Variants in GYS2 observed in about 807,000 individuals in gnomAD.
The protein encoded by GYS2 is glycogen [starch] synthase, liver.
Under a neutral mutation model 85.6 loss-of-function variants are expected in GYS2, and 80 were observed. The observed-to-expected ratio is 0.93, with a 90% CI of 0.78 to 1.13. The LOEUF (loss-of-function observed/expected upper bound fraction) is 1.13. GYS2 is among the 50% of genes most tolerant of loss of function. The pLI is 0.00. For missense variants in GYS2, 881 were observed against 854.9 expected (o/e 1.03, Z -0.38); for synonymous variants, 328 against 300.7 (o/e 1.09, Z -0.94).
Position 21,594,224 on chromosome 12 carries a change from A to G in GYS2, c.121+10248T>C, listed in dbSNP as rs186643165. Among the ~76,000 whole-genome samples, 29 of 152,250 alleles carry G rather than the reference A, an allele frequency of 1.9e-4. No individual in the cohort carries two copies. The East Asian group carries it at 4.8e-3, about 25-fold the overall frequency. On this transcript the variant is annotated intron_variant, in intron 1 of 15. Coordinates refer to ENST00000261195, the MANE Select transcript of GYS2 (RefSeq NM_021957.4). ...ATGCCCACTTCCATCACTCCTATTCAATATAATACTGGAAGTCCTAGCCAC... is the reference window on the plus strand; with the variant it reads ...ATGCCCACTTCCATCACTCCTATTCGATATAATACTGGAAGTCCTAGCCAC...
At chr12:21,559,848 T>G in intron 8 of GYS2, 138 bp from the exon 9 acceptor site, 1 of 687,446 alleles carries the variant, frequency 1.5e-6, no homozygotes. Context: ...TTATAGTCTC[T>G]TCTATTATTT....
At chr12:21,544,213 A>G (rs1393591749) in intron 12 of GYS2, among the ~76,000 whole-genome samples, 1 of 152,178 alleles carries the variant, frequency 6.6e-6, no homozygotes, top group Non-Finnish European at 1.5e-5. Flanking sequence ...TCCTGTAACT[A>G]TAGGTTAGGG....
Position 21,568,910 on chromosome 12 carries a change from C to T in GYS2, c.778G>A (p.Glu260Lys). Residue 260 changes from glutamate to lysine, a missense_variant, in exon 5 of 16, where the codon GAA (glutamate) becomes AAA (lysine). Coordinates refer to ENST00000261195, the MANE Select transcript of GYS2 (RefSeq NM_021957.4). ...TGTTCAGCTTCTATTGCTGTTATTTCAGAAACCGTGGTGAACACGTGAGCG... is the reference window on the plus strand; with the variant it reads ...TGTTCAGCTTCTATTGCTGTTATTTTAGAAACCGTGGTGAACACGTGAGCG... ...HCAHVFTTVSEITAIEAEHML... is the reference protein window; with the variant it reads ...HCAHVFTTVSKITAIEAEHML... 6.2e-7 allele frequency: 1 copy of T among 1,613,666 alleles called. No homozygotes were observed. Among genetic ancestry groups the T allele is most frequent in the Non-Finnish European group, 8.5e-7 (1 of 1,179,580 alleles).
At chr12:21,589,406 C>G (rs1345607113) in intron 1 of GYS2, among the ~76,000 whole-genome samples, 1 of 152,118 alleles carries the variant, frequency 6.6e-6, no homozygotes, top group Non-Finnish European at 1.5e-5. Context: ...CTCTTTCAGT[C>G]TATTAGAAAT....
chr12:21,599,924 T>C (rs1364721086), intron 1 of GYS2, among the ~76,000 whole-genome samples: 1 of 152,164 alleles, frequency 6.6e-6, no homozygotes, highest in Non-Finnish European at 1.5e-5. Context: ...CAACTGGTAT[T>C]TCTTTTAATT....
chr12:21,537,673 C>T (rs1385822254), intron 15 of GYS2, among the ~76,000 whole-genome samples: 1 of 152,178 alleles, frequency 6.6e-6, no homozygotes, highest in African/African-American at 2.4e-5. Context: ...CATGGATGGC[C>T]ACCACTAGAA....
chr12:21,563,423 A>G (rs902792972), intron 5 of GYS2, 78 bp from the exon 6 acceptor site: 5 of 805,524 alleles, frequency 6.2e-6, no homozygotes, highest in Non-Finnish European at 1.1e-5. Context: ...TATCTTTAAA[A>G]CTATAAAGTT....
intron 1 of GYS2, among the ~76,000 whole-genome samples, chr12:21,590,358 C>T (rs1944623363): frequency 6.6e-6 from 1 of 152,218 alleles, no homozygotes; most frequent in Admixed American, 6.5e-5. Context: ...AACCCAGAGA[C>T]AGCCTTGTGC....
At chr12:21,599,236 A>T (rs1198342817) in intron 1 of GYS2, among the ~76,000 whole-genome samples, 1 of 152,138 alleles carries the variant, frequency 6.6e-6, no homozygotes, top group Non-Finnish European at 1.5e-5. Flanking sequence ...TGTGGCTACT[A>T]ATCTCACCCT....
rs121918422 is a variant in GYS2, at chr12:21,546,421, A to C, written c.1472T>G (p.Met491Arg). The part of the protein sequence containing the change: ...FLSSTSPLLP[M>R]DYEEFVRGCH... ...ACCTCTAACAAACTCTTCATAGTCC[A>C]TGGGTAGTAAGGGACTGGTGGAGGA... The change falls in exon 12 of 16, where the codon ATG becomes AGG. Residue 491 changes from methionine to arginine, a missense_variant. Physicochemically the swap from Met to Arg is moderately conservative, Grantham distance 91. Transcript: ENST00000261195. 1.4e-5 allele frequency: 22 copies of C among 1,587,908 alleles called. No homozygotes were observed. Among genetic ancestry groups the C allele is most frequent in the Non-Finnish European group, 1.9e-5 (22 of 1,156,722 alleles).
intron 4 of GYS2, among the ~76,000 whole-genome samples, chr12:21,571,938 G>A (rs1405656818): frequency 1.6e-5 from 2 of 123,518 alleles, no homozygotes; most frequent in East Asian, 5.6e-4. Context: ...CTCTAGCCTG[G>A]CGACAGAGCA....
Position 21,560,401 on chromosome 12 carries a change from A to T in GYS2, c.1154T>A (p.Val385Glu). 1 of 1,595,174 alleles carries T rather than the reference A, an allele frequency of 6.3e-7. No individual in the cohort carries two copies. The highest frequency in any genetic ancestry group is 8.6e-7 in the Non-Finnish European group (1 of 1,162,850). ...GTGAGATTACCACAGCTGTTTTCGC[A>T]CTGCTTGTCCTTTCAGGGTTTCCAC... ...FNVETLKGQA[V>E]RKQLWDVAHS... is the part of the protein sequence containing the mutation. The change falls in exon 8 of 16, where the codon GTG (valine) becomes GAG (glutamate). Residue 385 changes from valine to glutamate, a missense_variant. Transcript: ENST00000261195.
Sources: allele counts gnomAD v4.1 joint callset (sites outside exome capture counted in the v4.1 genomes callset), GRCh38; gene constraint gnomAD v4.1.1; transcripts MANE v1.5; gene names NCBI Gene and HGNC (gene_info 2026-07-23, HGNC 2026-07-21).